The following CNTNAP2 variants were observed in gnomAD, a reference collection of about 807,000 sequenced individuals.
CNTNAP2 encodes the protein contactin-associated protein-like 2.
A neutral mutation model predicts 155.2 loss-of-function variants in CNTNAP2; 98 were observed. The observed-to-expected ratio is 0.63, with a 90% CI of 0.54 to 0.75. The LOEUF is 0.75. Among genes scored for constraint, CNTNAP2 ranks in the 30% least tolerant of loss-of-function variants. The pLI, the probability that CNTNAP2 is intolerant of heterozygous loss-of-function variation, is 0.00. For missense variants in CNTNAP2, 1,727 were observed against 1,688.1 expected, an observed-to-expected ratio of 1.02 and a Z score of -0.40; for synonymous variants, 651 against 631.2, an observed-to-expected ratio of 1.03 and a Z score of -0.47.
rs1264752413 is a variant in CNTNAP2 at position 148,415,483 on chromosome 7, G to A, written c.3863G>A (p.Arg1288His). 4 of 1,614,034 alleles carry A rather than the reference G, an allele frequency of 2.5e-6. No individual in the cohort carries two copies. Among genetic ancestry groups the A allele is most frequent in the African/African-American group, 1.3e-5 (1 of 74,936 alleles). Residue 1288 changes from arginine (R) to histidine (H), a missense_variant, in exon 24 of 24, where the codon CGC (arginine) becomes CAC (histidine). Transcript: ENST00000361727. ...GTCTTCCTGATCCGGTACATGTTCCGCCACAAGGGCACCTACCATACCAAC... is the reference window on the plus strand; with the variant it reads ...GTCTTCCTGATCCGGTACATGTTCCACCACAAGGGCACCTACCATACCAAC... ...TLVFLIRYMF[R>H]HKGTYHTNEA...
At chr7:147,996,903 C>T (rs1260290509) in intron 15 of CNTNAP2, among the ~76,000 whole-genome samples, 2 of 152,182 alleles carry the variant, frequency 1.3e-5, no homozygotes, top group African/African-American at 2.4e-5. Context: ...GAAACCTAAT[C>T]ACCCACATGA....
At chr7:148,088,539 A>G (rs1410958322) in intron 15 of CNTNAP2, among the ~76,000 whole-genome samples, 2 of 152,034 alleles carry the variant, frequency 1.3e-5, no homozygotes, top group East Asian at 3.8e-4. Flanking sequence ...GTTATGAACA[A>G]TTACACAGCA....
chr7:146,723,510 T>G (rs143881698), intron 1 of CNTNAP2, among the ~76,000 whole-genome samples: 132 of 152,290 alleles, frequency 8.7e-4, no homozygotes, highest in Middle Eastern at 3.4e-3. Context: ...TATTCACAAA[T>G]TGGTTCAAAG....
At chr7:148,267,326 T>C (rs1375860905) in intron 21 of CNTNAP2, among the ~76,000 whole-genome samples, 200 bp downstream of exon 21, 1 of 152,146 alleles carries the variant, frequency 6.6e-6, no homozygotes, top group East Asian at 1.9e-4. Flanking sequence ...AAATTGCTCA[T>C]GTAACTCATT....
At chr7:147,395,280 G>T (rs1487042110) in intron 9 of CNTNAP2, among the ~76,000 whole-genome samples, 1 of 152,018 alleles carries the variant, frequency 6.6e-6, no homozygotes, top group East Asian at 1.9e-4. Context: ...GCTCAGCAGA[G>T]AAAGAATAAC....
intron 8 of CNTNAP2, among the ~76,000 whole-genome samples, chr7:147,179,629 TA>T (rs1208347690): frequency 6.6e-6 from 1 of 152,168 alleles, no homozygotes; most frequent in African/African-American, 2.4e-5. Flanking sequence ...TAATTAGTCT[TA>T]TCAAAATCGG....
intron 1 of CNTNAP2, among the ~76,000 whole-genome samples, chr7:146,288,428 T>C (rs185707697): frequency 1.6e-4 from 24 of 152,314 alleles, no homozygotes; most frequent in Admixed American, 1.2e-3. Context: ...CTTCAAGTCT[T>C]TGATAGGTTC....
chr7:146,176,786 T>C (rs562378506), intron 1 of CNTNAP2, among the ~76,000 whole-genome samples: 10 of 152,354 alleles, frequency 6.6e-5, no homozygotes, highest in African/African-American at 2.2e-4. Context: ...TTGTGTGTTC[T>C]AAATTAAGTA....
Position 146,808,888 on chromosome 7 carries a change from T to A in CNTNAP2, c.209-30823T>A, listed in dbSNP as rs138613964. Among the ~76,000 whole-genome samples the A allele has an allele frequency of 5.7e-3, 875 of 152,336 alleles. 12 individuals are homozygous for A. Among genetic ancestry groups the A allele is most frequent in the African/African-American group, 0.02 (831 of 41,574 alleles). On this transcript the variant is annotated intron_variant, in intron 2 of 23. Transcript: ENST00000361727. ...ACGAATGACAGAATTTCCTTCTTTT[T>A]ATGGCTAATATTACAGTGCGTGTGA...
intron 9 of CNTNAP2, among the ~76,000 whole-genome samples, chr7:147,328,149 T>C (rs114547550): frequency 6.0e-4 from 92 of 152,266 alleles, no homozygotes; most frequent in African/African-American, 2.1e-3. Flanking sequence ...ACTTCAGTCA[T>C]ATTTTTCTTC....
chr7:147,376,243 G>C (rs1399285911), intron 9 of CNTNAP2, among the ~76,000 whole-genome samples: 2 of 151,986 alleles, frequency 1.3e-5, no homozygotes, highest in Non-Finnish European at 2.9e-5. Flanking sequence ...GGCAGTCCCA[G>C]TGTTCAGAGA....
chr7:146,662,269 C>T (rs1456518321), intron 1 of CNTNAP2, among the ~76,000 whole-genome samples: 3 of 152,086 alleles, frequency 2.0e-5, no homozygotes, highest in Admixed American at 1.3e-4. Context: ...ACCCGAGTAG[C>T]TGGAATTATA....
intron 1 of CNTNAP2, among the ~76,000 whole-genome samples, chr7:146,230,899 C>T (rs1359973732): frequency 6.6e-6 from 1 of 152,008 alleles, no homozygotes. Context: ...CCTGTAATCC[C>T]AGCTATTTGG....
At chr7:146,858,276 A>C (rs1480471205) in intron 3 of CNTNAP2, among the ~76,000 whole-genome samples, 2 of 152,228 alleles carry the variant, frequency 1.3e-5, no homozygotes, top group Non-Finnish European at 1.5e-5. Flanking sequence ...TTCTGTGAAG[A>C]TATCAAAAAG....
Position 147,127,380 on chromosome 7 carries a change from G to GT in CNTNAP2, c.940-1302dup, listed in dbSNP as rs960567084. On this transcript the variant is annotated intron_variant, in intron 6 of 23. Transcript: ENST00000361727. Reference sequence around the variant, plus strand: ...TGATTTTATTGTAAATGAGGCCTTTGTTTTTTTTTTTACCATCACCTCATA... The same window carrying GT: ...TGATTTTATTGTAAATGAGGCCTTTGTTTTTTTTTTTTACCATCACCTCATA... 5.3e-3 allele frequency among the ~76,000 whole-genome samples: 756 copies of GT among 142,638 alleles called. 3 individuals are homozygous for GT. The highest frequency in any genetic ancestry group is 0.016 in the African/African-American group (611 of 39,190). 93.6% of individuals were successfully genotyped at this position (142,638 alleles called of 152,430 possible).
chr7:148,184,300 T>C (rs996525733), intron 18 of CNTNAP2, among the ~76,000 whole-genome samples: 1 of 152,188 alleles, frequency 6.6e-6, no homozygotes, highest in African/African-American at 2.4e-5. Flanking sequence ...TAAATTGACA[T>C]GTAAATAAGT....
intron 13 of CNTNAP2, among the ~76,000 whole-genome samples, chr7:147,683,357 TG>T (rs1795974681): frequency 6.6e-6 from 1 of 151,828 alleles, no homozygotes; most frequent in South Asian, 2.1e-4. Flanking sequence ...TTTATACCTG[TG>T]TATTGCCAGA....
At chr7:147,610,456 C>T (rs958206537) in intron 12 of CNTNAP2, among the ~76,000 whole-genome samples, 1 of 152,186 alleles carries the variant, frequency 6.6e-6, no homozygotes, top group African/African-American at 2.4e-5. Context: ...AAGCTCCTCA[C>T]TGCATTTGCT....
rs143384216 is a variant in CNTNAP2 at position 146,527,945 on chromosome 7, T to C, written c.98-246326T>C. ...GTTAGAGAAATTTAACTCCTTATAT[T>C]ACATTTTACGGCTTTTGTTTTAATT... On this transcript the variant is annotated intron_variant, in intron 1 of 23. Transcript: ENST00000361727. Among the ~76,000 whole-genome samples the C allele has an allele frequency of 6.7e-3, 1,013 of 152,244 alleles. 12 individuals carry two copies. Among genetic ancestry groups the C allele is most frequent in the African/African-American group, 0.02 (840 of 41,542 alleles).
Sources: allele counts gnomAD v4.1 joint callset (sites outside exome capture counted in the v4.1 genomes callset), GRCh38; gene constraint gnomAD v4.1.1; transcripts MANE v1.5; gene names NCBI Gene and HGNC (gene_info 2026-07-23, HGNC 2026-07-21).